DLG2: variants seen among roughly 807,000 people sequenced by gnomAD.
DLG2 encodes the protein disks large homolog 2.
Under a neutral mutation model 132.5 loss-of-function variants are expected in DLG2, and 45 were observed. The ratio of observed to expected loss-of-function variants is 0.34; its 90% confidence interval spans 0.27 to 0.44. DLG2 has a LOEUF of 0.44. Among genes scored for constraint, DLG2 ranks in the 20% least tolerant of loss-of-function variants. DLG2 has a pLI of 1.00. For missense variants in DLG2, 1,045 were observed against 1,196.9 expected, an observed-to-expected ratio of 0.87 and a Z score of 1.87; for synonymous variants, 424 against 419.6, an observed-to-expected ratio of 1.01 and a Z score of -0.13.
rs73518917 is a variant in DLG2, at chr11:84,899,953, T to G, written c.357+211708A>C. Among the ~76,000 whole-genome samples, 350 of 152,132 alleles carry G rather than the reference T, an allele frequency of 2.3e-3. 2 individuals are homozygous for G. Among genetic ancestry groups the G allele is most frequent in the African/African-American group, 8.2e-3 (339 of 41,550 alleles). ...TTCAGTGCACTCAATAGTACCTTAGTGGCCTGAAAGAGTTAATGCAGCATC... is the reference window on the plus strand; with the variant it reads ...TTCAGTGCACTCAATAGTACCTTAGGGGCCTGAAAGAGTTAATGCAGCATC... On this transcript the variant is annotated intron_variant, in intron 6 of 27. Transcript: ENST00000376104.
intron 6 of DLG2, among the ~76,000 whole-genome samples, chr11:84,880,023 C>A (rs1164934533): frequency 1.3e-5 from 2 of 151,858 alleles, no homozygotes; most frequent in Non-Finnish European, 2.9e-5. Flanking sequence ...AAGAATAGTA[C>A]TATAAAGTGA....
At chr11:84,657,740 T>C (rs543382512) in intron 6 of DLG2, among the ~76,000 whole-genome samples, 5 of 152,324 alleles carry the variant, frequency 3.3e-5, no homozygotes, top group African/African-American at 7.2e-5. Flanking sequence ...CTGCTGTGTG[T>C]CTTAATTCTT....
At chr11:83,786,449 T>C in intron 18 of DLG2, 1 of 467,078 alleles carries the variant, frequency 2.1e-6, no homozygotes, top group South Asian at 3.0e-5. Context: ...CTGATGCTGG[T>C]TGCTATTTAT....
At chr11:85,332,236 A>C (rs1198212248) in intron 3 of DLG2, among the ~76,000 whole-genome samples, 1 of 152,172 alleles carries the variant, frequency 6.6e-6, no homozygotes, top group Non-Finnish European at 1.5e-5. Context: ...ACATTTGTTC[A>C]TGTGTTTGTT....
intron 6 of DLG2, among the ~76,000 whole-genome samples, chr11:84,757,845 G>T (rs138445053): frequency 6.6e-6 from 1 of 152,092 alleles, no homozygotes; most frequent in Non-Finnish European, 1.5e-5. Flanking sequence ...AGTCTATCCC[G>T]TGCAGCCTGG....
At chr11:85,413,913 AT>A (rs942848499) in intron 3 of DLG2, among the ~76,000 whole-genome samples, 1 of 151,194 alleles carries the variant, frequency 6.6e-6, no homozygotes, top group Non-Finnish European at 1.5e-5. Context: ...GACATTTAGA[AT>A]TTTTTTTTAG....
At chr11:84,345,334 G>C (rs2098534617) in intron 7 of DLG2, among the ~76,000 whole-genome samples, 1 of 152,148 alleles carries the variant, frequency 6.6e-6, no homozygotes. Context: ...TAAAGCAAAA[G>C]TCCTGTACAC....
At chr11:84,732,232 G>A (rs188083177) in intron 6 of DLG2, among the ~76,000 whole-genome samples, 11 of 152,124 alleles carry the variant, frequency 7.2e-5, no homozygotes, top group South Asian at 2.1e-4. Flanking sequence ...TAGCTGCTAC[G>A]AATATCTGTG....
intron 15 of DLG2, among the ~76,000 whole-genome samples, chr11:83,899,265 G>T (rs535805242): frequency 1.3e-5 from 2 of 151,014 alleles, no homozygotes; most frequent in South Asian, 4.1e-4. Context: ...CTTGAAAAGA[G>T]ACTTTTCAGT....
chr11:85,566,312 T>C (rs1013424843), intron 3 of DLG2, among the ~76,000 whole-genome samples: 7 of 152,104 alleles, frequency 4.6e-5, no homozygotes, highest in South Asian at 2.1e-4. Flanking sequence ...TAACTTTCCT[T>C]TGAAGCACAA....
intron 3 of DLG2, chr11:85,525,065 T>C (rs906580376): frequency 1.4e-4 from 22 of 152,300 alleles, no homozygotes; most frequent in Admixed American, 2.6e-4. Context: ...AATTATAACA[T>C]TTGTCAAAAC....
intron 8 of DLG2, among the ~76,000 whole-genome samples, chr11:84,195,891 G>C (rs1432701628): frequency 6.6e-6 from 1 of 152,118 alleles, no homozygotes; most frequent in Non-Finnish European, 1.5e-5. Context: ...CTCTGTAAGT[G>C]CAAGGATCAT....
At chr11:83,705,422 G>C (rs1171522388) in intron 18 of DLG2, among the ~76,000 whole-genome samples, 1 of 151,902 alleles carries the variant, frequency 6.6e-6, no homozygotes, top group Non-Finnish European at 1.5e-5. Flanking sequence ...GATTACTTTT[G>C]CGATTACTTT....
chr11:85,492,889 T>A, intron 3 of DLG2, among the ~76,000 whole-genome samples: 1 of 152,222 alleles, frequency 6.6e-6, no homozygotes, highest in Non-Finnish European at 1.5e-5. Context: ...AAAAAATAAG[T>A]TGCCTTTACA....
intron 6 of DLG2, among the ~76,000 whole-genome samples, chr11:84,600,922 A>G (rs544190689): frequency 6.6e-5 from 10 of 152,340 alleles, no homozygotes; most frequent in African/African-American, 1.7e-4. Flanking sequence ...TAATTGCTAT[A>G]GAAGTTCAAA....
intron 6 of DLG2, among the ~76,000 whole-genome samples, chr11:84,878,959 G>A (rs566017984): frequency 2.8e-4 from 42 of 152,298 alleles, no homozygotes; most frequent in African/African-American, 8.7e-4. Flanking sequence ...CAAAATTATT[G>A]TGTGGTTGAG....
At chr11:84,013,573 T>C (rs1034138131) in intron 11 of DLG2, among the ~76,000 whole-genome samples, 1 of 152,020 alleles carries the variant, frequency 6.6e-6, no homozygotes, top group African/African-American at 2.4e-5. Flanking sequence ...TAGTATTACA[T>C]AACAGAAGTC....
chr11:83,888,923 A>T (rs563670884), intron 15 of DLG2, among the ~76,000 whole-genome samples: 3 of 152,224 alleles, frequency 2.0e-5, no homozygotes, highest in African/African-American at 7.2e-5. Flanking sequence ...CTGAAACTGG[A>T]TCTCTTCCTT....
chr11:85,087,586 C>T (rs1336466060), intron 6 of DLG2, among the ~76,000 whole-genome samples: 1 of 152,056 alleles, frequency 6.6e-6, no homozygotes. Context: ...CGCCTGTAAT[C>T]CCAGCACTTT....
Sources: allele counts gnomAD v4.1 joint callset (sites outside exome capture counted in the v4.1 genomes callset), GRCh38; gene constraint gnomAD v4.1.1; transcripts MANE v1.5; gene names NCBI Gene and HGNC (gene_info 2026-07-23, HGNC 2026-07-21).